The following EPHA7 variants were observed in gnomAD, a reference collection of about 807,000 sequenced individuals.
EPHA7 encodes the protein EPH receptor A7.
In EPHA7, 25 loss-of-function variants were observed where a neutral mutation model predicts 112.6. The ratio of observed to expected loss-of-function variants is 0.22; its 90% CI spans 0.16 to 0.31. The LOEUF (loss-of-function observed/expected upper bound fraction) is 0.31, where lower values mean the gene tolerates loss of function less well. Ranked by LOEUF, EPHA7 falls within the 10% of genes least tolerant of loss-of-function variation. The pLI is 1.00. For synonymous variants in EPHA7, 437 were observed against 406.5 expected, an observed-to-expected ratio of 1.07 and a Z score of -0.90; for missense variants, 962 against 1,212.6, an observed-to-expected ratio of 0.79 and a Z score of 3.07.
intron 3 of EPHA7, among the ~76,000 whole-genome samples, chr6:93,386,262 T>C (rs1582643629): frequency 6.6e-6 from 1 of 152,118 alleles, no homozygotes. Context: ...TAAAATCAAA[T>C]GCAAGTTAGT....
intron 14 of EPHA7, among the ~76,000 whole-genome samples, chr6:93,248,717 T>G (rs1770071647): frequency 1.3e-5 from 2 of 150,704 alleles, no homozygotes; most frequent in Admixed American, 1.3e-4. Context: ...AAAAACGGAG[T>G]CTTGCTCTGT....
Position 93,272,438 on chromosome 6 carries a change from G to T in EPHA7, c.1325-16C>A. 6.2e-7 allele frequency: 1 copy of T among 1,610,878 alleles called. No homozygotes were observed. Among genetic ancestry groups the T allele is most frequent in the Non-Finnish European group, 8.5e-7 (1 of 1,177,896 alleles). ...TGCGAGGGAGCTGTTTGGACAAGATGTGTCAATAAACAATGAGAAAATTCA... is the reference window on the plus strand; with the variant it reads ...TGCGAGGGAGCTGTTTGGACAAGATTTGTCAATAAACAATGAGAAAATTCA... On this transcript the variant is annotated splice_polypyrimidine_tract_variant and intron_variant, in intron 5 of 16. Coordinates refer to ENST00000369303, the MANE Select transcript of EPHA7 (RefSeq NM_004440.4).
chr6:93,345,300 A>G (rs2127927760), intron 5 of EPHA7, among the ~76,000 whole-genome samples: 1 of 151,858 alleles, frequency 6.6e-6, no homozygotes, highest in South Asian at 2.1e-4. Context: ...ACGAAATATT[A>G]AAAATTAAGA....
At chr6:93,376,325 G>A (rs1777057506) in intron 3 of EPHA7, among the ~76,000 whole-genome samples, 1 of 152,008 alleles carries the variant, frequency 6.6e-6, no homozygotes, top group Non-Finnish European at 1.5e-5. Context: ...ATTATTTTTA[G>A]AGACAAGGCC....
intron 5 of EPHA7, among the ~76,000 whole-genome samples, chr6:93,310,492 G>A (rs1773474565): frequency 6.6e-6 from 1 of 151,966 alleles, no homozygotes; most frequent in Non-Finnish European, 1.5e-5. Context: ...TGGTGAAATT[G>A]CGTCTCTATT....
chr6:93,414,714 G>A lies in EPHA7; in HGVS notation c.151C>T (p.Pro51Ser), dbSNP rs1232604941. 2.5e-6 allele frequency: 4 copies of A among 1,612,234 alleles called. No individual in the cohort carries two copies. The highest frequency in any genetic ancestry group is 1.6e-4 in the Middle Eastern group (1 of 6,072). ...QQTELEWISS[P>S]PNGWEEISGL... ...TGAAAAAAACTTACCCCATTGGGTGGAGAGGAAATCCACTCCAACTCTGTT... is the reference window on the plus strand; with the variant it reads ...TGAAAAAAACTTACCCCATTGGGTGAAGAGGAAATCCACTCCAACTCTGTT... The change falls in exon 2 of 17, where the codon CCA becomes TCA. Residue 51 changes from proline (P) to serine (S), a missense_variant. By Grantham distance (74) the Pro-to-Ser change is moderately conservative (BLOSUM62 -1). This residue lies in a region of EPHA7 where 56 missense variants were observed against 59.9 expected (regional missense o/e 0.94). Transcript: ENST00000369303.
chr6:93,289,361 A>C (rs751657959), intron 5 of EPHA7, among the ~76,000 whole-genome samples: 16 of 152,182 alleles, frequency 1.1e-4, no homozygotes, highest in African/African-American at 3.9e-4. Flanking sequence ...AAATTTTGAT[A>C]ACAATGAATT....
chr6:93,293,173 A>C (rs565947728), intron 5 of EPHA7, among the ~76,000 whole-genome samples: 1 of 150,738 alleles, frequency 6.6e-6, no homozygotes, highest in Non-Finnish European at 1.5e-5. Flanking sequence ...GTAAACCCAT[A>C]TATATATATA....
rs74473514 is a variant in EPHA7 at position 93,392,590 on chromosome 6, G to A, written c.832+17911C>T. Reference sequence around the variant, plus strand: ...AAAAAAATAAAATGCATTTAAAAGTGCATACTATCCATTTACCTTATTTTT... The same window carrying A: ...AAAAAAATAAAATGCATTTAAAAGTACATACTATCCATTTACCTTATTTTT... On this transcript the variant is annotated intron_variant, in intron 3 of 16. Coordinates refer to ENST00000369303, the MANE Select transcript of EPHA7 (RefSeq NM_004440.4). Among the ~76,000 whole-genome samples, 1,315 of 151,974 alleles carry A rather than the reference G, an allele frequency of 8.7e-3. 20 individuals are homozygous for A. The highest frequency in any genetic ancestry group is 0.03 in the African/African-American group (1,254 of 41,486).
At chr6:93,357,723 G>A (rs1459297177) in intron 4 of EPHA7, among the ~76,000 whole-genome samples, 3 of 149,822 alleles carry the variant, frequency 2.0e-5, no homozygotes, top group Non-Finnish European at 4.4e-5. Flanking sequence ...GCACAATCTC[G>A]GCTCACTGCA....
intron 5 of EPHA7, among the ~76,000 whole-genome samples, chr6:93,312,925 T>G (rs1384563940): frequency 6.6e-6 from 1 of 152,120 alleles, no homozygotes; most frequent in Non-Finnish European, 1.5e-5. Context: ...GGTGGAGCAG[T>G]TGGAACACAC....
At chr6:93,360,662 C>G (rs1184353377) in intron 3 of EPHA7, among the ~76,000 whole-genome samples, 1 of 152,080 alleles carries the variant, frequency 6.6e-6, no homozygotes, top group East Asian at 1.9e-4. Flanking sequence ...CCTTGCTCAA[C>G]TTACATGATT....
At chr6:93,304,334 T>C (rs1324559799) in intron 5 of EPHA7, among the ~76,000 whole-genome samples, 2 of 151,994 alleles carry the variant, frequency 1.3e-5, no homozygotes, top group Non-Finnish European at 2.9e-5. Flanking sequence ...GCAGCTTCTA[T>C]TGGACTGTTT....
At chr6:93,375,383 A>C (rs547129900) in intron 3 of EPHA7, among the ~76,000 whole-genome samples, 1 of 152,218 alleles carries the variant, frequency 6.6e-6, no homozygotes, top group South Asian at 2.1e-4. Flanking sequence ...TGGGAGGCCA[A>C]GGTGGGCAGA....
intron 5 of EPHA7, among the ~76,000 whole-genome samples, chr6:93,293,450 A>G (rs1322148946): frequency 1.3e-5 from 2 of 152,186 alleles, no homozygotes; most frequent in Non-Finnish European, 2.9e-5. Context: ...TTAGATATGA[A>G]GGTTTATCTG....
intron 3 of EPHA7, among the ~76,000 whole-genome samples, chr6:93,373,133 A>T (rs1176919355): frequency 6.6e-6 from 1 of 151,974 alleles, no homozygotes; most frequent in African/African-American, 2.4e-5. Context: ...TTGTATTTTG[A>T]CATATAGTCA....
chr6:93,258,566 G>A (rs1225092464), intron 10 of EPHA7, among the ~76,000 whole-genome samples: 2 of 119,646 alleles, frequency 1.7e-5, no homozygotes, highest in Admixed American at 8.5e-5. Context: ...TAGAAGTTAC[G>A]CTTTCCTAAA....
At chr6:93,405,523 T>C (rs946921274) in intron 3 of EPHA7, among the ~76,000 whole-genome samples, 1 of 151,758 alleles carries the variant, frequency 6.6e-6, no homozygotes, top group Non-Finnish European at 1.5e-5. Context: ...TTCCTTGTTT[T>C]ATTATTAATG....
chr6:93,251,025 C>A (rs1770184655), intron 14 of EPHA7, among the ~76,000 whole-genome samples: 1 of 152,018 alleles, frequency 6.6e-6, no homozygotes, highest in Non-Finnish European at 1.5e-5. Flanking sequence ...CATTAACGAG[C>A]CTGTAATAAC....
Sources: allele counts gnomAD v4.1 joint callset (sites outside exome capture counted in the v4.1 genomes callset), GRCh38; gene constraint gnomAD v4.1.1; regional missense constraint gnomAD v4.1.1; transcripts MANE v1.5; gene names NCBI Gene and HGNC (gene_info 2026-07-23, HGNC 2026-07-21).